The following CDK14 variants were observed in gnomAD, a reference collection of about 807,000 sequenced individuals.
CDK14 encodes the protein cyclin-dependent kinase 14.
A neutral mutation model predicts 60.7 loss-of-function variants in CDK14; 34 were observed. That is an observed-to-expected ratio of 0.56 (90% CI 0.43 to 0.75). The LOEUF (loss-of-function observed/expected upper bound fraction) is 0.75, where lower values mean the gene tolerates loss of function less well. CDK14 is among the 30% of genes least tolerant of loss of function. The probability of loss-of-function intolerance (pLI) is 0.00; values close to 1 mark genes in which losing one functional copy is unlikely to be tolerated. For synonymous variants in CDK14, 197 were observed against 203.7 expected (o/e 0.97, Z 0.28); for missense variants, 482 against 564.1 (o/e 0.85, Z 1.47).
intron 8 of CDK14, among the ~76,000 whole-genome samples, chr7:90,943,805 A>C (rs1193613339): frequency 6.6e-6 from 1 of 152,246 alleles, no homozygotes; most frequent in African/African-American, 2.4e-5. Flanking sequence ...AGGTGAAAAC[A>C]GAGATGTTCT....
chr7:90,865,099 CCTTT>C (rs1791134827), intron 6 of CDK14, among the ~76,000 whole-genome samples: 1 of 152,216 alleles, frequency 6.6e-6, no homozygotes, highest in Admixed American at 6.5e-5. Flanking sequence ...TTCCTTTCTA[CCTTT>C]CTTTTTCTAT....
At chr7:90,853,673 G>T (rs1397732004) in intron 5 of CDK14, among the ~76,000 whole-genome samples, 1 of 152,196 alleles carries the variant, frequency 6.6e-6, no homozygotes, top group African/African-American at 2.4e-5. Flanking sequence ...ATGAGAACAA[G>T]AGTTTTTTGT....
At chr7:90,848,659 G>C (rs1299352575) in intron 5 of CDK14, among the ~76,000 whole-genome samples, 1 of 152,072 alleles carries the variant, frequency 6.6e-6, no homozygotes, top group Non-Finnish European at 1.5e-5. Flanking sequence ...ATCCCAAATT[G>C]GATGATTTTC....
intron 2 of CDK14, among the ~76,000 whole-genome samples, chr7:90,624,548 T>G (rs1277485957): frequency 1.3e-5 from 2 of 152,172 alleles, no homozygotes; most frequent in African/African-American, 4.8e-5. Context: ...GTGGAGGCAG[T>G]ACTGGCAGTT....
At chr7:90,782,081 C>T (rs1049643055) in intron 4 of CDK14, among the ~76,000 whole-genome samples, 4 of 152,072 alleles carry the variant, frequency 2.6e-5, no homozygotes, top group Non-Finnish European at 5.9e-5. Context: ...TTTGTATCCT[C>T]TTTTATTTCA....
intron 2 of CDK14, among the ~76,000 whole-genome samples, chr7:90,689,074 T>C (rs1801502266): frequency 1.3e-5 from 2 of 152,126 alleles, no homozygotes; most frequent in South Asian, 4.1e-4. Flanking sequence ...TCAGTACCCT[T>C]AGTTTTCAGA....
At chr7:91,049,192 T>A (rs1268823624) in intron 11 of CDK14, among the ~76,000 whole-genome samples, 1 of 152,216 alleles carries the variant, frequency 6.6e-6, no homozygotes, top group Non-Finnish European at 1.5e-5. Context: ...GAGTTCTTTA[T>A]ATTTAAGGGA....
rs1802972325 is a variant in CDK14 at position 91,208,526 on chromosome 7, T to G, written c.*1390T>G. The G allele has an allele frequency of 6.6e-6, 1 of 152,170 alleles. No individual in the cohort carries two copies. Among genetic ancestry groups the G allele is most frequent in the Admixed American group, 6.5e-5 (1 of 15,270 alleles). 9.4% of individuals were successfully genotyped at this position (152,170 alleles called of 1,614,324 possible). A position where few individuals can be genotyped will look rare whatever the true frequency, so the allele number is the denominator to read the frequency against. On this transcript the variant is annotated 3_prime_UTR_variant, in exon 15 of 15. Coordinates refer to ENST00000380050, the MANE Select transcript of CDK14 (RefSeq NM_001287135.2). ...AAACCTAGCTCCTCTACACACAAAT[T>G]CCTATGGAAATACCTTTGTGTACAG...
At chr7:91,124,341 G>A (rs371008964) in intron 14 of CDK14, among the ~76,000 whole-genome samples, 7 of 152,000 alleles carry the variant, frequency 4.6e-5, no homozygotes, top group Admixed American at 2.6e-4. Flanking sequence ...AATTCTCTCC[G>A]CCATCACATA....
At chr7:91,069,555 TA>T (rs894987784) in intron 11 of CDK14, among the ~76,000 whole-genome samples, 5 of 151,878 alleles carry the variant, frequency 3.3e-5, no homozygotes, top group African/African-American at 9.7e-5. Context: ...AATTTAAATT[TA>T]AAAAAAGCAG....
At chr7:90,875,184 C>T (rs1452767252) in intron 6 of CDK14, among the ~76,000 whole-genome samples, 1 of 152,192 alleles carries the variant, frequency 6.6e-6, no homozygotes, top group Non-Finnish European at 1.5e-5. Context: ...TAGCTTTTCT[C>T]AGTACTTCAT....
chr7:91,073,101 A>G (rs1341868658), intron 11 of CDK14, among the ~76,000 whole-genome samples: 1 of 152,212 alleles, frequency 6.6e-6, no homozygotes, highest in Non-Finnish European at 1.5e-5. Context: ...ACATTTCAGG[A>G]TATTATCTAG....
intron 3 of CDK14, among the ~76,000 whole-genome samples, chr7:90,740,037 T>C (rs1022838502): frequency 1.3e-5 from 2 of 152,028 alleles, no homozygotes; most frequent in Non-Finnish European, 2.9e-5. Flanking sequence ...TACAAATTTC[T>C]TGAAGAAAGA....
chr7:90,638,276 G>T (rs1360084853), intron 2 of CDK14, among the ~76,000 whole-genome samples: 3 of 152,172 alleles, frequency 2.0e-5, no homozygotes, highest in Non-Finnish European at 4.4e-5. Flanking sequence ...TACTGGTTGT[G>T]CCTTTCCATG....
chr7:91,060,778 A>G (rs187148238), intron 11 of CDK14, among the ~76,000 whole-genome samples: 1 of 152,186 alleles, frequency 6.6e-6, no homozygotes, highest in African/African-American at 2.4e-5. Flanking sequence ...AGCTGTTAGT[A>G]TGATGGGCTT....
intron 4 of CDK14, among the ~76,000 whole-genome samples, chr7:90,785,143 G>C (rs1805523744): frequency 7.2e-6 from 1 of 139,038 alleles, no homozygotes; most frequent in Non-Finnish European, 1.6e-5. Context: ...TAATGGAAGA[G>C]AGAAGCAGAA....
At chr7:90,915,313 C>A (rs1045873225) in intron 7 of CDK14, among the ~76,000 whole-genome samples, 2 of 152,102 alleles carry the variant, frequency 1.3e-5, no homozygotes, top group Admixed American at 6.5e-5. Flanking sequence ...GTGGTGGGTG[C>A]CTGTAGTCCC....
chr7:90,931,945 C>G (rs1387265528), intron 8 of CDK14, among the ~76,000 whole-genome samples: 2 of 151,754 alleles, frequency 1.3e-5, no homozygotes, highest in African/African-American at 4.8e-5. Context: ...TTTTTTCTTA[C>G]AAAATATGTT....
chr7:91,120,273 A>G (rs906710556), intron 14 of CDK14, among the ~76,000 whole-genome samples: 2 of 152,216 alleles, frequency 1.3e-5, no homozygotes, highest in Admixed American at 6.5e-5. Flanking sequence ...TGGGAAATCA[A>G]ATCAAGCTCA....
Sources: allele counts gnomAD v4.1 joint callset (sites outside exome capture counted in the v4.1 genomes callset), GRCh38; gene constraint gnomAD v4.1.1; transcripts MANE v1.5; gene names NCBI Gene and HGNC (gene_info 2026-07-23, HGNC 2026-07-21).